Variants in SYNE1 observed in about 807,000 individuals in gnomAD.
SYNE1 encodes spectrin repeat containing nuclear envelope protein 1, also known as nesprin-1.
Under a neutral mutation model 1,111.0 loss-of-function variants are expected in SYNE1, and 616 were observed. The observed-to-expected ratio is 0.55, with a 90% CI of 0.52 to 0.59. The LOEUF is 0.59. SYNE1 is among the 20% of genes least tolerant of loss of function. The pLI, the probability that SYNE1 is intolerant of heterozygous loss-of-function variation, is 0.00. For synonymous variants in SYNE1, 3,855 were observed against 3,825.8 expected, an observed-to-expected ratio of 1.01 and a Z score of -0.28; for missense variants, 10,006 against 10,417.0, an observed-to-expected ratio of 0.96 and a Z score of 1.72.
intron 126 of SYNE1, 53 bp downstream of exon 126, chr6:152,206,115 T>A: frequency 6.6e-7 from 1 of 1,507,692 alleles, no homozygotes; most frequent in South Asian, 1.1e-5. Context: ...TGGGAGGAAG[T>A]AGTACAACGA....
chr6:152,469,184 G>A (rs2098790133), intron 16 of SYNE1, among the ~76,000 whole-genome samples: 3 of 152,058 alleles, frequency 2.0e-5, no homozygotes, highest in Admixed American at 2.0e-4. Context: ...CAGCCTCTTT[G>A]AAATAGCCTG....
intron 86 of SYNE1, 123 bp downstream of exon 86, chr6:152,317,958 C>T (rs2095775832): frequency 1.5e-6 from 2 of 1,316,072 alleles, no homozygotes; most frequent in Admixed American, 1.7e-5. Flanking sequence ...TAAGCTACAC[C>T]TAAACTACTC....
intron 4 of SYNE1, among the ~76,000 whole-genome samples, chr6:152,526,465 T>C (rs1184617229): frequency 2.0e-5 from 3 of 152,106 alleles, no homozygotes; most frequent in Non-Finnish European, 4.4e-5. Flanking sequence ...AAGGGCAGGA[T>C]GGTGTGGGAT....
intron 39 of SYNE1, among the ~76,000 whole-genome samples, chr6:152,422,957 A>T (rs1435082438): frequency 2.0e-5 from 3 of 152,258 alleles, no homozygotes; most frequent in Admixed American, 2.0e-4. Context: ...ACAAATTCTG[A>T]AATGGCCCTG....
rs540689442 is a variant in SYNE1 at position 152,320,580 on chromosome 6, T to TTG, written c.16236+656_16236+657dup. 5.3e-3 allele frequency among the ~76,000 whole-genome samples: 804 copies of TTG among 152,244 alleles called. 7 individuals are homozygous for TTG. The highest frequency in any genetic ancestry group is 0.018 in the African/African-American group (734 of 41,522). On this transcript the variant is annotated intron_variant, in intron 84 of 145. Coordinates refer to ENST00000367255, the MANE Select transcript of SYNE1 (RefSeq NM_182961.4). ...TTGAGCCTATTTTCACTACATGAAATTGTGCTCTTCATGAGACCAGAGACA... is the reference window on the plus strand; with the variant it reads ...TTGAGCCTATTTTCACTACATGAAATTGTGTGCTCTTCATGAGACCAGAGACA...
rs886042948 is a variant in SYNE1, at chr6:152,505,247, A to G, written c.732T>C (p.Thr244=). ...SNRENLEDAF[T]IAETELGIPR... is the part of the protein sequence containing the mutation. ...GGATCCCCAGTTCTGTTTCGGCGAT[A>G]GTGAAAGCATCCTCCAAATTTTCTC... Residue 244 remains threonine, a synonymous_variant, in exon 9 of 146, where the codon ACT becomes ACC. Transcript: ENST00000367255. 2 of 1,614,110 alleles carry G rather than the reference A, an allele frequency of 1.2e-6. No homozygotes were observed. Among genetic ancestry groups the G allele is most frequent in the Non-Finnish European group, 8.5e-7 (1 of 1,179,982 alleles).
rs760322350 is a variant in SYNE1, at chr6:152,148,265, C to A, written c.24756G>T (p.Gln8252His). The A allele has an allele frequency of 2.5e-6, 4 of 1,613,372 alleles. No individual in the cohort carries two copies. In the South Asian group the frequency reaches 4.4e-5, roughly 18 times the overall value. The change falls in exon 137 of 146, where the codon CAG becomes CAT. Residue 8252 changes from glutamine (Q) to histidine (H), a missense_variant. Transcript: ENST00000367255. This position sits in a 1 kb window ranked among gnomAD's most constrained non-coding sequence, Gnocchi z 4.1. ...GCGAGAGGGAGAGATTGGAGGAAGG[C>A]TGTGGAGAAAGCAGGCTGTCTGCAG... is the stretch of plus-strand genomic sequence containing the variant. ...DRSADSLLSP[Q>H]PSSNLSLSLA...
At chr6:152,298,406 G>A (rs943993068) in intron 93 of SYNE1, among the ~76,000 whole-genome samples, 5 of 152,126 alleles carry the variant, frequency 3.3e-5, no homozygotes, top group Admixed American at 3.3e-4. Flanking sequence ...GAAGCCTACA[G>A]CAAAATCTAG....
chr6:152,268,188 G>A (rs927932919), intron 99 of SYNE1, 23 bp from the exon 100 acceptor site: 20 of 1,575,862 alleles, frequency 1.3e-5, no homozygotes, highest in Non-Finnish European at 1.7e-5. Context: ...AAGGACAAAC[G>A]CAAACACATT....
intron 95 of SYNE1, among the ~76,000 whole-genome samples, chr6:152,285,651 C>T (rs546049394): frequency 6.5e-4 from 99 of 152,154 alleles, no homozygotes; most frequent in Admixed American, 1.6e-3. Flanking sequence ...TCCCTCAACA[C>T]GAAAAACTCT....
rs1463205294 is a variant in SYNE1 at position 152,326,073 on chromosome 6, T to C, written c.15323A>G (p.Lys5108Arg). Reference protein sequence around the residue: ...RCTAQWHDYQKAREEVIELMN... With the variant: ...RCTAQWHDYQRAREEVIELMN... ...CAATTCAATAACCTCTTCCCTTGCTTTCTGGTAATCGTGCCATTGAGCTGT... is the reference window on the plus strand; with the variant it reads ...CAATTCAATAACCTCTTCCCTTGCTCTCTGGTAATCGTGCCATTGAGCTGT... Residue 5108 changes from lysine to arginine, a missense_variant, in exon 80 of 146, where the codon AAA becomes AGA. Physicochemically the swap from Lys to Arg is conservative, Grantham distance 26 (BLOSUM62 2). Transcript: ENST00000367255. The C allele has an allele frequency of 1.2e-6, 2 of 1,614,020 alleles. No homozygotes were observed. Among genetic ancestry groups the C allele is most frequent in the Admixed American group, 3.3e-5 (2 of 60,000 alleles).
chr6:152,507,089 T>C (rs1242247544), intron 8 of SYNE1, among the ~76,000 whole-genome samples: 2 of 152,206 alleles, frequency 1.3e-5, no homozygotes, highest in African/African-American at 4.8e-5. Context: ...AGTACAGATA[T>C]AATTTTTTTC....
At chr6:152,298,770 TCTAA>T (rs563035971) in intron 93 of SYNE1, among the ~76,000 whole-genome samples, 89 of 152,312 alleles carry the variant, frequency 5.8e-4, no homozygotes, top group Admixed American at 2.0e-3. Context: ...TTCATTGTCT[TCTAA>T]CTGACATTAC....
rs1332225908 is a variant in SYNE1, at chr6:152,189,393, T to C, written c.23160A>G (p.Ala7720=). ...EQMRCKELEN[A]VGSWTDDLTQ... is the part of the protein sequence containing the mutation. Reference sequence around the variant, plus strand: ...TCAAGTCATCTGTCCAGCTCCCAACTGCATTTTCTAATTCCTAAATAAAAA... The same window carrying C: ...TCAAGTCATCTGTCCAGCTCCCAACCGCATTTTCTAATTCCTAAATAAAAA... The change falls in exon 128 of 146, where the codon GCA becomes GCG. Residue 7720 remains alanine (A), a synonymous_variant. Coordinates refer to ENST00000367255, the MANE Select transcript of SYNE1 (RefSeq NM_182961.4). The C allele has an allele frequency of 6.2e-7, 1 of 1,614,070 alleles. No homozygotes were observed. Among genetic ancestry groups the C allele is most frequent in the Admixed American group, 1.7e-5 (1 of 60,010 alleles).
intron 4 of SYNE1, among the ~76,000 whole-genome samples, chr6:152,533,432 C>T (rs2099215551): frequency 6.6e-6 from 1 of 152,024 alleles, no homozygotes; most frequent in Non-Finnish European, 1.5e-5. Context: ...AGTATAAAAG[C>T]ATTATTGTAC....
intron 3 of SYNE1, among the ~76,000 whole-genome samples, chr6:152,606,583 G>C (rs1016956847): frequency 1.8e-4 from 27 of 152,272 alleles, no homozygotes; most frequent in African/African-American, 6.3e-4. Context: ...CAAATGCAAA[G>C]AAGTGAATCA....
chr6:152,565,442 G>A (rs1458984784), intron 3 of SYNE1, among the ~76,000 whole-genome samples: 2 of 152,112 alleles, frequency 1.3e-5, no homozygotes, highest in African/African-American at 4.8e-5. Flanking sequence ...GGAAAAGTAT[G>A]GACTTATTAA....
In SYNE1 at chr6:152,569,178, A is replaced by G. The variant is rs564380411; in HGVS notation, c.68-29157T>C. Among the ~76,000 whole-genome samples the G allele has an allele frequency of 2.6e-5, 4 of 152,334 alleles. No homozygotes were observed. The South Asian group carries it at 6.2e-4, about 24-fold the overall frequency. On this transcript the variant is annotated intron_variant, in intron 3 of 145. Coordinates refer to ENST00000367255, the MANE Select transcript of SYNE1 (RefSeq NM_182961.4). ...CAATCCTGACCTACAGAAGCAGATC[A>G]GCAATCGGCTTTAACAAGATACCCA... is the stretch of plus-strand genomic sequence containing the variant.
At chr6:152,555,390 A>G (rs144887648) in intron 3 of SYNE1, among the ~76,000 whole-genome samples, 2 of 152,318 alleles carry the variant, frequency 1.3e-5, no homozygotes, top group East Asian at 3.9e-4. Flanking sequence ...ACATTGTAGT[A>G]CAATTGCCTA....
Sources: allele counts gnomAD v4.1 joint callset (sites outside exome capture counted in the v4.1 genomes callset), GRCh38; gene constraint gnomAD v4.1.1; non-coding constraint Gnocchi (gnomAD v3.1); transcripts MANE v1.5; gene names NCBI Gene and HGNC (gene_info 2026-07-23, HGNC 2026-07-21).